GRIPAP1: variants seen among roughly 807,000 people sequenced by gnomAD.
The protein encoded by GRIPAP1 is GRIP1-associated protein 1.
Under a neutral mutation model 84.1 loss-of-function variants are expected in GRIPAP1, and 14 were observed. The ratio of observed to expected loss-of-function variants is 0.17; its 90% CI spans 0.11 to 0.26. GRIPAP1 has a LOEUF of 0.26. GRIPAP1 is among the 10% of genes least tolerant of loss of function. The pLI, the probability that GRIPAP1 is intolerant of heterozygous loss-of-function variation, is 1.00. For synonymous variants in GRIPAP1, 261 were observed against 256.8 expected (o/e 1.02, Z -0.15); for missense variants, 518 against 674.2 (o/e 0.77, Z 2.57).
At chrX:48,990,265 G>A (rs1203635761) in intron 8 of GRIPAP1, among the ~76,000 whole-genome samples, 1 of 111,487 alleles carries the variant, frequency 9.0e-6, no homozygotes, top group Non-Finnish European at 1.9e-5. Flanking sequence ...GATCCTTCAG[G>A]TTCCAAAGCC....
chrX:48,994,444 G>A (rs2064536664), intron 5 of GRIPAP1, among the ~76,000 whole-genome samples: 1 of 109,945 alleles, frequency 9.1e-6, no homozygotes, highest in Admixed American at 9.7e-5. Context: ...GGCTGGTCTT[G>A]AACTCCTGAC....
chrX:49,001,515 T>A (rs782758048), intron 1 of GRIPAP1, among the ~76,000 whole-genome samples: 3 of 110,559 alleles, frequency 2.7e-5, no homozygotes, highest in Non-Finnish European at 3.8e-5. Flanking sequence ...ATCAATCTTT[T>A]ACCCCTCTGG....
In GRIPAP1 at chrX:48,976,229, G is replaced by C; in HGVS notation, c.2184+12C>G. 1 of 1,173,434 alleles carries C rather than the reference G, an allele frequency of 8.5e-7. No homozygotes were observed. The highest frequency in any genetic ancestry group is 1.9e-5 in the South Asian group (1 of 53,216). ...TCAAGTGGGGATGGGCAGGCAGGCA[G>C]GCAGGCAGCACCTTCTCCTCCAGCA... On this transcript the variant is annotated intron_variant, in intron 23 of 25. Transcript: ENST00000376423.
chrX:49,000,710 A>G (rs1034202991), intron 1 of GRIPAP1: 1 of 110,702 alleles, frequency 9.0e-6, no homozygotes, highest in Non-Finnish European at 1.9e-5. Context: ...AAGAAAAAGA[A>G]AAAGAATTAA....
chrX:48,994,372 C>T (rs182689597), intron 5 of GRIPAP1, among the ~76,000 whole-genome samples: 3 of 109,587 alleles, frequency 2.7e-5, no homozygotes, highest in East Asian at 2.9e-4. Flanking sequence ...TACAGGCATG[C>T]GCCACCGTGC....
chrX:48,987,006 A>C (rs2064492343), intron 13 of GRIPAP1, among the ~76,000 whole-genome samples: 1 of 102,608 alleles, frequency 9.7e-6, no homozygotes, highest in South Asian at 4.3e-4. Context: ...CCACCACCAC[A>C]CCCAGCTAAT....
intron 1 of GRIPAP1, among the ~76,000 whole-genome samples, chrX:48,999,840 C>T (rs973077479): frequency 1.8e-5 from 2 of 111,116 alleles, no homozygotes; most frequent in African/African-American, 6.6e-5. Context: ...TAAAGTTCCT[C>T]CTCCTCATCC....
At chrX:48,994,046 G>GT (rs1218428720) in intron 5 of GRIPAP1, among the ~76,000 whole-genome samples, 1 of 110,348 alleles carries the variant, frequency 9.1e-6, no homozygotes, top group Non-Finnish European at 1.9e-5. Flanking sequence ...ATTGCCAGCC[G>GT]TTAGTCTTGG....
intron 15 of GRIPAP1, among the ~76,000 whole-genome samples, 167 bp downstream of exon 15, chrX:48,983,608 C>T (rs1397201954): frequency 9.0e-6 from 1 of 111,408 alleles, no homozygotes; most frequent in African/African-American, 3.3e-5. Context: ...TCTTTCTTTC[C>T]CCTCCCACTC....
intron 12 of GRIPAP1, 50 bp downstream of exon 12, chrX:48,988,071 C>G: frequency 1.0e-6 from 1 of 995,854 alleles, no homozygotes; most frequent in Non-Finnish European, 1.4e-6. Flanking sequence ...CCCACTCAGG[C>G]TGCCCCCATC....
intron 5 of GRIPAP1, among the ~76,000 whole-genome samples, chrX:48,994,135 G>C (rs1355323040): frequency 4.5e-5 from 5 of 110,944 alleles, no homozygotes; most frequent in African/African-American, 6.6e-5. Context: ...AAGCAGTCCT[G>C]AGAAAATTCC....
At position 48,983,362 on chromosome X, in the gene GRIPAP1, G is replaced by T. The variant is rs1557062791; in HGVS notation, c.1351C>A (p.Leu451Met). 1 of 1,211,388 alleles carries T rather than the reference G, an allele frequency of 8.3e-7. No homozygotes were observed. The highest frequency in any genetic ancestry group is 2.2e-5 in the Admixed American group (1 of 46,080). The change falls in exon 16 of 26, where the codon CTG (leucine) becomes ATG (methionine). Residue 451 changes from leucine to methionine, a missense_variant. Physicochemically the swap from Leu to Met is conservative, Grantham distance 15. Transcript: ENST00000376423. ...LQEKSQHKEE[L>M]GAVRLRHEKE... The stretch of plus-strand genomic sequence containing the variant: ...TCATGCCGTAGACGAACTGCTCCCA[G>T]CTCTTCCTTGTGCTGGGACTTCTCT...
In GRIPAP1 at chrX:48,989,874, C is replaced by T; in HGVS notation, c.731G>A (p.Arg244His). 14 of 1,209,843 alleles carry T rather than the reference C, an allele frequency of 1.2e-5. No homozygotes were observed. Among genetic ancestry groups the T allele is most frequent in the South Asian group, 1.8e-5 (1 of 56,906 alleles). Residue 244 changes from arginine to histidine, a missense_variant, in exon 10 of 26, where the codon CGT (arginine) becomes CAT (histidine). Physicochemically the swap from Arg to His is conservative, Grantham distance 29 (BLOSUM62 0). Coordinates refer to ENST00000376423, the MANE Select transcript of GRIPAP1 (RefSeq NM_020137.5). ...KLKKKQESFCRLQTEKETLFN... is the reference protein window; with the variant it reads ...KLKKKQESFCHLQTEKETLFN... ...CAGAGTCTCCTTTTCTGTCTGCAGA[C>T]GGCAAAAACTGGGCACAGAAGGACA... is the stretch of plus-strand genomic sequence containing the variant.
rs782700292 is a variant in GRIPAP1 at position 48,987,896 on chromosome X, C to G, written c.949-19G>C. The G allele has an allele frequency of 2.7e-6, 3 of 1,114,373 alleles. No individual in the cohort carries two copies. The highest frequency in any genetic ancestry group is 1.9e-5 in the South Asian group (1 of 53,461). The allele number at this position is 1,114,373 out of a possible 1,213,427, so 91.8% of individuals were successfully genotyped here. On this transcript the variant is annotated intron_variant, in intron 12 of 25. Coordinates refer to ENST00000376423, the MANE Select transcript of GRIPAP1 (RefSeq NM_020137.5). ...TGGATACCTGGCCCCACGTCCACAG[C>G]AGGTGAGAGTGGGTCCAGAACAGGG...
At chrX:48,985,562 A>T (rs2064482390) in intron 13 of GRIPAP1, among the ~76,000 whole-genome samples, 160 bp from the exon 14 acceptor site, 1 of 111,827 alleles carries the variant, frequency 8.9e-6, no homozygotes, top group Admixed American at 9.5e-5. Flanking sequence ...GAGAATGGGT[A>T]AATGTGGTAT....
At chrX:48,981,977 C>A (rs2064460354) in intron 17 of GRIPAP1, 105 bp from the exon 18 acceptor site, 2 of 542,173 alleles carry the variant, frequency 3.7e-6, no homozygotes, top group Admixed American at 3.0e-5. Context: ...CAGAAATGAC[C>A]CTCCTGCAGG....
chrX:48,981,190 T>G, intron 21 of GRIPAP1, 25 bp downstream of exon 21: 1 of 1,161,915 alleles, frequency 8.6e-7, no homozygotes, highest in Non-Finnish European at 1.2e-6. Context: ...TGCCTCAGCC[T>G]CCTCTCCCTG....
Position 48,987,772 on chromosome X carries a change from A to G in GRIPAP1, c.1041+13T>C. Reference sequence around the variant, plus strand: ...TGGAGAGGGATCAGCAAGGGCCCCCAGGTGTTCTTTACCTGCTCCAGGGCA... The same window carrying G: ...TGGAGAGGGATCAGCAAGGGCCCCCGGGTGTTCTTTACCTGCTCCAGGGCA... On this transcript the variant is annotated intron_variant, in intron 13 of 25. Coordinates refer to ENST00000376423, the MANE Select transcript of GRIPAP1 (RefSeq NM_020137.5). 9.3e-7 allele frequency: 1 copy of G among 1,077,579 alleles called. No homozygotes were observed. Among genetic ancestry groups the G allele is most frequent in the Non-Finnish European group, 1.3e-6 (1 of 776,362 alleles). The allele number at this position is 1,077,579 out of a possible 1,213,427, so 88.8% of individuals were successfully genotyped here. A position where few individuals can be genotyped will look rare whatever the true frequency, so the allele number is the denominator to read the frequency against.
At chrX:48,975,054 G>T (rs185695835) in intron 25 of GRIPAP1, 101 bp downstream of exon 25, 2 of 736,282 alleles carry the variant, frequency 2.7e-6, no homozygotes, top group African/African-American at 2.1e-5. Flanking sequence ...AGGACAGGCT[G>T]GGTGGGTGGG....
Sources: allele counts gnomAD v4.1 joint callset (sites outside exome capture counted in the v4.1 genomes callset), GRCh38; gene constraint gnomAD v4.1.1; transcripts MANE v1.5; gene names NCBI Gene and HGNC (gene_info 2026-07-23, HGNC 2026-07-21).